Variants in AR observed in about 807,000 individuals in gnomAD.
The protein encoded by AR is dihydrotestosterone receptor.
AR carries 8 observed loss-of-function variants against 53.9 expected under a neutral mutation model. That is an observed-to-expected ratio of 0.15 (90% CI 0.09 to 0.27). The LOEUF (loss-of-function observed/expected upper bound fraction) is 0.27. Ranked by LOEUF, AR falls within the 10% of genes least tolerant of loss-of-function variation. AR has a pLI of 1.00. For missense variants in AR, 639 were observed against 742.5 expected (o/e 0.86, Z 1.62); for synonymous variants, 359 against 316.4 (o/e 1.13, Z -1.43).
At chrX:67,654,418 C>T (rs923526289) in intron 2 of AR, among the ~76,000 whole-genome samples, 1 of 111,204 alleles carries the variant, frequency 9.0e-6, no homozygotes, top group Non-Finnish European at 1.9e-5. Flanking sequence ...AGGCCATCAG[C>T]ATTTGTATGA....
chrX:67,640,354 C>T (rs1231481074), intron 1 of AR, among the ~76,000 whole-genome samples: 1 of 110,815 alleles, frequency 9.0e-6, no homozygotes, highest in Non-Finnish European at 1.9e-5. Flanking sequence ...AGGGAGGATT[C>T]CTTCTTTTTC....
At chrX:67,670,821 A>C (rs747029426) in intron 2 of AR, among the ~76,000 whole-genome samples, 1 of 110,440 alleles carries the variant, frequency 9.1e-6, no homozygotes, top group South Asian at 3.9e-4. Context: ...TCATTGTTCA[A>C]CTGCCACTTA....
chrX:67,687,746 G>A (rs1426560536), intron 3 of AR, among the ~76,000 whole-genome samples: 3 of 112,005 alleles, frequency 2.7e-5, no homozygotes, highest in African/African-American at 9.7e-5. Flanking sequence ...TAAAAGATAG[G>A]GACTCTCAAG....
chrX:67,621,540 G>T (rs5919396), intron 1 of AR, among the ~76,000 whole-genome samples: 1 of 108,878 alleles, frequency 9.2e-6, no homozygotes, highest in East Asian at 2.9e-4. Context: ...CCTGGTGTGT[G>T]ATGTTCCCCT....
chrX:67,578,399 A>G (rs748824310), intron 1 of AR, among the ~76,000 whole-genome samples: 1 of 111,928 alleles, frequency 8.9e-6, no homozygotes, highest in African/African-American at 3.2e-5. Flanking sequence ...TGTGTGAAAC[A>G]ATGAGCACAA....
intron 1 of AR, among the ~76,000 whole-genome samples, chrX:67,616,182 G>A (rs1296686345): frequency 9.0e-6 from 1 of 111,222 alleles, no homozygotes; most frequent in Non-Finnish European, 1.9e-5. Flanking sequence ...TAGCTTATGT[G>A]TGCCTAGTAC....
At chrX:67,696,309 G>A (rs150956476) in intron 3 of AR, among the ~76,000 whole-genome samples, 6,181 of 110,886 alleles carry the variant, frequency 0.056, 154 homozygotes, top group Non-Finnish European at 0.076. Context: ...CCTGGTATTC[G>A]AAAGCATTTC....
At chrX:67,568,297 A>G (rs1471063608) in intron 1 of AR, among the ~76,000 whole-genome samples, 1 of 111,988 alleles carries the variant, frequency 8.9e-6, no homozygotes, top group African/African-American at 3.2e-5. Flanking sequence ...AGTTTATGCC[A>G]AAGAATCAGA....
intron 3 of AR, among the ~76,000 whole-genome samples, chrX:67,694,317 TCTC>T (rs1311431667): frequency 2.7e-5 from 3 of 109,715 alleles, no homozygotes; most frequent in Non-Finnish European, 5.7e-5. Flanking sequence ...TCCCTTCTCT[TCTC>T]CTACATCTTC....
intron 1 of AR, among the ~76,000 whole-genome samples, chrX:67,639,659 C>T (rs1925642024): frequency 8.9e-6 from 1 of 111,837 alleles, no homozygotes; most frequent in African/African-American, 3.2e-5. Context: ...GATTTTCGCA[C>T]ACTGATTTTG....
chrX:67,676,883 A>G (rs1156875683), intron 2 of AR, among the ~76,000 whole-genome samples: 1 of 111,539 alleles, frequency 9.0e-6, no homozygotes, highest in Non-Finnish European at 1.9e-5. Flanking sequence ...CTTTGAGTTC[A>G]TGGATGAACA....
chrX:67,545,021 A>G lies in AR; in HGVS notation c.-126A>G. On this transcript the variant is annotated 5_prime_UTR_variant, in exon 1 of 8. Transcript: ENST00000374690. ...TGCTCCCGCAAGTTTCCTTCTCTGG[A>G]GCTTCCCGCAGGTGGGCAGCTAGCT... is the stretch of plus-strand genomic sequence containing the variant. 1 of 1,017,399 alleles carries G rather than the reference A, an allele frequency of 9.8e-7. No individual in the cohort carries two copies. Among genetic ancestry groups the G allele is most frequent in the East Asian group, 3.4e-5 (1 of 29,471 alleles). 83.8% of individuals were successfully genotyped at this position (1,017,399 alleles called of 1,213,427 possible).
intron 2 of AR, 148 bp from the exon 3 acceptor site, chrX:67,685,862 A>G (rs1482076482): frequency 1.2e-6 from 1 of 828,207 alleles, no homozygotes; most frequent in African/African-American, 2.1e-5. Context: ...TAGGTTCTGT[A>G]TGATCAAATT....
At chrX:67,664,072 C>T (rs1927111920) in intron 2 of AR, among the ~76,000 whole-genome samples, 1 of 111,710 alleles carries the variant, frequency 9.0e-6, no homozygotes, top group Non-Finnish European at 1.9e-5. Context: ...CGAACTTCCT[C>T]CTTTAGCTCA....
intron 1 of AR, among the ~76,000 whole-genome samples, chrX:67,565,532 A>G (rs1406259923): frequency 8.9e-6 from 1 of 111,841 alleles, no homozygotes; most frequent in Non-Finnish European, 1.9e-5. Flanking sequence ...CTTGAAATCT[A>G]CCAAGTACTT....
intron 2 of AR, among the ~76,000 whole-genome samples, chrX:67,660,833 T>C (rs1926862928): frequency 8.9e-6 from 1 of 111,990 alleles, no homozygotes; most frequent in Non-Finnish European, 1.9e-5. Context: ...ATATTGATTC[T>C]TCCTACCCAT....
At chrX:67,561,205 ATAACT>A (rs1196313121) in intron 1 of AR, among the ~76,000 whole-genome samples, 2 of 112,250 alleles carry the variant, frequency 1.8e-5, no homozygotes, top group African/African-American at 3.2e-5. Context: ...TCCACAGCAC[ATAACT>A]TAACAGTGGT....
At chrX:67,722,091 C>A in intron 6 of AR, 128 bp downstream of exon 6, 1 of 793,550 alleles carries the variant, frequency 1.3e-6, no homozygotes, top group Non-Finnish European at 1.9e-6. Context: ...TTCCCCCTCC[C>A]CATCCCCACT....
At chrX:67,718,958 G>A (rs1198539954) in intron 5 of AR, among the ~76,000 whole-genome samples, 1 of 111,382 alleles carries the variant, frequency 9.0e-6, no homozygotes, top group African/African-American at 3.3e-5. Context: ...GCTGGCCAGA[G>A]AAATCTTCCC....
Sources: gnomAD v4.1 joint callset for allele counts (sites outside exome capture counted in the v4.1 genomes callset) on GRCh38, gnomAD v4.1.1 for gene constraint, MANE v1.5 for transcripts, NCBI Gene and HGNC (gene_info 2026-07-23, HGNC 2026-07-21) for gene names.